Variants in MTMR6 observed in about 807,000 individuals in gnomAD.
MTMR6 encodes the protein phosphatidylinositol-3,5-bisphosphate 3-phosphatase MTMR6.
A neutral mutation model predicts 80.1 loss-of-function variants in MTMR6; 47 were observed. The ratio of observed to expected loss-of-function variants is 0.59; its 90% CI spans 0.46 to 0.75. The LOEUF is 0.75. Among genes scored for constraint, MTMR6 ranks in the 30% least tolerant of loss-of-function variants. The pLI, the probability that MTMR6 is intolerant of heterozygous loss-of-function variation, is 0.00. For synonymous variants in MTMR6, 254 were observed against 253.0 expected (o/e 1.00, Z -0.04); for missense variants, 629 against 730.9 (o/e 0.86, Z 1.61).
intron 5 of MTMR6, 88 bp downstream of exon 5, chr13:25,265,731 C>T: frequency 1.6e-6 from 2 of 1,214,864 alleles, no homozygotes; most frequent in East Asian, 5.2e-5. Context: ...GACCCTATCT[C>T]AAAAAAAAAA....
chr13:25,275,515 T>C (rs1957699271), intron 1 of MTMR6, among the ~76,000 whole-genome samples: 1 of 152,102 alleles, frequency 6.6e-6, no homozygotes, highest in South Asian at 2.1e-4. Flanking sequence ...CAAAATCATC[T>C]AGATAGCTAA....
In MTMR6 at chr13:25,249,271, C is replaced by G; in HGVS notation, c.1827G>C (p.Val609=). ...AEEFSKSEPA[V]VSLEYGVARM... ...TTGCCACACCATACTCTAAGCTGAC[C>G]ACAGCAGGTTCTGATTTAGAAAACT... is the stretch of plus-strand genomic sequence containing the variant. The change falls in exon 14 of 14, where the codon GTG becomes GTC. Residue 609 remains valine, a synonymous_variant. Coordinates refer to ENST00000381801, the MANE Select transcript of MTMR6 (RefSeq NM_004685.5). 6.2e-7 allele frequency: 1 copy of G among 1,614,052 alleles called. No individual in the cohort carries two copies. Among genetic ancestry groups the G allele is most frequent in the South Asian group, 1.1e-5 (1 of 91,084 alleles).
chr13:25,259,454 T>A (rs1245098832), intron 6 of MTMR6, among the ~76,000 whole-genome samples: 1 of 152,192 alleles, frequency 6.6e-6, no homozygotes, highest in Non-Finnish European at 1.5e-5. Context: ...AAGCCTAAAT[T>A]AGAAGAAAAG....
chr13:25,273,571 G>A (rs1957631688), intron 2 of MTMR6, among the ~76,000 whole-genome samples: 1 of 148,796 alleles, frequency 6.7e-6, no homozygotes, highest in Non-Finnish European at 1.5e-5. Context: ...TGTCACCCAG[G>A]CTGGAGTGCA....
intron 1 of MTMR6, among the ~76,000 whole-genome samples, chr13:25,284,311 T>C (rs1254042501): frequency 2.6e-5 from 4 of 152,166 alleles, no homozygotes; most frequent in Admixed American, 2.0e-4. Context: ...TGTGAACTAA[T>C]TGAGCAGGTT....
In MTMR6 at chr13:25,246,386, G is replaced by T. The variant is rs1956979777; in HGVS notation, c.*2846C>A. ...AGCTTATAGTTTACATTGATATCTA[G>T]ACATATATCTTAAACAGTCTCCAAA... is the stretch of plus-strand genomic sequence containing the variant. On this transcript the variant is annotated 3_prime_UTR_variant, in exon 14 of 14. Coordinates refer to ENST00000381801, the MANE Select transcript of MTMR6 (RefSeq NM_004685.5). 1 of 148,762 alleles carries T rather than the reference G, an allele frequency of 6.7e-6. No homozygotes were observed. Among genetic ancestry groups the T allele is most frequent in the African/African-American group, 2.4e-5 (1 of 40,880 alleles). 9.2% of individuals were successfully genotyped at this position (148,762 alleles called of 1,614,324 possible). A position where few individuals can be genotyped will look rare whatever the true frequency, so the allele number is the denominator to read the frequency against.
At chr13:25,277,523 G>A (rs1957750623) in intron 1 of MTMR6, among the ~76,000 whole-genome samples, 2 of 152,138 alleles carry the variant, frequency 1.3e-5, no homozygotes, top group African/African-American at 2.4e-5. Context: ...ATTTACCAGT[G>A]ATCCCTTTTG....
At position 25,254,126 on chromosome 13, in the gene MTMR6, C is replaced by G. The variant is rs543038008; in HGVS notation, c.1146-162G>C. Among the ~76,000 whole-genome samples the G allele has an allele frequency of 3.3e-5, 5 of 152,268 alleles. No homozygotes were observed. In the East Asian group the frequency reaches 7.7e-4, roughly 23 times the overall value. ...CCATTTATGAGTTTTTAAACCACAGCTTTAAAGGATCTGTTACCATCTCTA... is the reference window on the plus strand; with the variant it reads ...CCATTTATGAGTTTTTAAACCACAGGTTTAAAGGATCTGTTACCATCTCTA... On this transcript the variant is annotated intron_variant, in intron 10 of 13. Coordinates refer to ENST00000381801, the MANE Select transcript of MTMR6 (RefSeq NM_004685.5).
intron 2 of MTMR6, among the ~76,000 whole-genome samples, chr13:25,271,978 G>C (rs544292711): frequency 6.6e-6 from 1 of 152,272 alleles, no homozygotes; most frequent in African/African-American, 2.4e-5. Flanking sequence ...GTACAGTGTA[G>C]TCAGTATACC....
chr13:25,260,289 C>T (rs1957304879), intron 6 of MTMR6, among the ~76,000 whole-genome samples: 1 of 152,038 alleles, frequency 6.6e-6, no homozygotes. Flanking sequence ...CTGCCTCAGC[C>T]TCCCGAGTAG....
At position 25,249,301 on chromosome 13, in the gene MTMR6, T is replaced by C. The variant is rs959325642; in HGVS notation, c.1797A>G (p.Ala599=). Reference sequence around the variant, plus strand: ...CAGGTTCTGATTTAGAAAACTCTTCTGCATATTCACTATAACGATTATCTG... The same window carrying C: ...CAGGTTCTGATTTAGAAAACTCTTCCGCATATTCACTATAACGATTATCTG... ...SPADNRYSEY[A]EEFSKSEPAV... Residue 599 remains alanine, a synonymous_variant, in exon 14 of 14, where the codon GCA becomes GCG. Transcript: ENST00000381801. The C allele has an allele frequency of 9.3e-6, 15 of 1,614,124 alleles. No individual in the cohort carries two copies. Among genetic ancestry groups the C allele is most frequent in the Non-Finnish European group, 1.3e-5 (15 of 1,179,952 alleles).
chr13:25,262,757 C>A (rs1186722931), intron 5 of MTMR6, among the ~76,000 whole-genome samples: 1 of 152,224 alleles, frequency 6.6e-6, no homozygotes, highest in Non-Finnish European at 1.5e-5. Flanking sequence ...TGCAAATTCA[C>A]ACAATTGCAT....
chr13:25,248,947 A>C lies in MTMR6; in HGVS notation c.*285T>G, dbSNP rs549382678. On this transcript the variant is annotated 3_prime_UTR_variant, in exon 14 of 14. Coordinates refer to ENST00000381801, the MANE Select transcript of MTMR6 (RefSeq NM_004685.5). ...TATTTATGTTTGGCTGAATTAACAT[A>C]AATCATAAACGTCAATTCACTAGTG... 1.7e-5 allele frequency: 5 copies of C among 292,176 alleles called. No individual in the cohort carries two copies. The South Asian group carries it at 6.3e-4, about 37-fold the overall frequency. The allele number at this position is 292,176 out of a possible 1,614,324, so 18.1% of individuals were successfully genotyped here. A position where few individuals can be genotyped will look rare whatever the true frequency, so the allele number is the denominator to read the frequency against.
chr13:25,271,109 C>A (rs1041412667), intron 2 of MTMR6, among the ~76,000 whole-genome samples: 5 of 152,098 alleles, frequency 3.3e-5, no homozygotes, highest in Non-Finnish European at 5.9e-5. Flanking sequence ...TCCTCCCCCC[C>A]TTCCTTACTT....
At chr13:25,255,302 C>T (rs1957176113) in intron 9 of MTMR6, among the ~76,000 whole-genome samples, 1 of 152,210 alleles carries the variant, frequency 6.6e-6, no homozygotes, top group South Asian at 2.1e-4. Flanking sequence ...GTGGCTGGAG[C>T]CACAGATTTT....
chr13:25,281,174 A>G (rs1566044729), intron 1 of MTMR6, among the ~76,000 whole-genome samples: 2 of 152,140 alleles, frequency 1.3e-5, no homozygotes, highest in Non-Finnish European at 2.9e-5. Flanking sequence ...CAGAAAAAGA[A>G]AATTATTTTC....
Position 25,282,582 on chromosome 13 carries a change from G to T in MTMR6, c.24+4642C>A, listed in dbSNP as rs559828664. Among the ~76,000 whole-genome samples, 13 of 150,514 alleles carry T rather than the reference G, an allele frequency of 8.6e-5. 1 individual carries two copies. In the South Asian group the frequency reaches 2.7e-3, roughly 32 times the overall value. On this transcript the variant is annotated intron_variant, in intron 1 of 13. Coordinates refer to ENST00000381801, the MANE Select transcript of MTMR6 (RefSeq NM_004685.5). ...CCGGCTTCTCCTCCTCTGCTTGCTC[G>T]CCCTCTTCTTTTTTCTTTTTTCTTT...
At chr13:25,262,400 C>T (rs1468575298) in intron 5 of MTMR6, among the ~76,000 whole-genome samples, 1 of 152,178 alleles carries the variant, frequency 6.6e-6, no homozygotes, top group Non-Finnish European at 1.5e-5. Context: ...CAAGGTCTTG[C>T]TCTGTCACCC....
chr13:25,261,869 A>G, intron 5 of MTMR6, 67 bp from the exon 6 acceptor site: 1 of 1,439,954 alleles, frequency 6.9e-7, no homozygotes, highest in Non-Finnish European at 9.3e-7. Context: ...GATGCTTACA[A>G]GAAAAAAAAG....
Sources: gnomAD v4.1 joint callset for allele counts (sites outside exome capture counted in the v4.1 genomes callset) on GRCh38, gnomAD v4.1.1 for gene constraint, MANE v1.5 for transcripts, NCBI Gene and HGNC (gene_info 2026-07-23, HGNC 2026-07-21) for gene names.